The following SLC2A13 variants were observed in gnomAD, a reference collection of about 807,000 sequenced individuals.
SLC2A13 encodes the protein proton myo-inositol cotransporter.
Under a neutral mutation model 64.4 loss-of-function variants are expected in SLC2A13, and 32 were observed. That is an observed-to-expected ratio of 0.50 (90% confidence interval 0.37 to 0.67). The LOEUF is 0.67. Among genes scored for constraint, SLC2A13 ranks in the 30% least tolerant of loss-of-function variants. The pLI is 0.00. For missense variants in SLC2A13, 743 were observed against 829.2 expected, an observed-to-expected ratio of 0.90 and a Z score of 1.28; for synonymous variants, 338 against 327.1, an observed-to-expected ratio of 1.03 and a Z score of -0.36.
chr12:39,924,673 AT>A (rs926245452), intron 4 of SLC2A13, among the ~76,000 whole-genome samples: 22 of 151,924 alleles, frequency 1.4e-4, no homozygotes, highest in African/African-American at 3.1e-4. Context: ...ATTATTCTTC[AT>A]TTTTTTTCTT....
At chr12:40,075,023 C>G (rs1938115055) in intron 1 of SLC2A13, among the ~76,000 whole-genome samples, 2 of 152,172 alleles carry the variant, frequency 1.3e-5, no homozygotes. Flanking sequence ...GCCACTTACA[C>G]TGTGTTTTAA....
intron 7 of SLC2A13, among the ~76,000 whole-genome samples, chr12:39,820,961 G>A (rs1187812692): frequency 6.6e-6 from 1 of 151,586 alleles, no homozygotes; most frequent in African/African-American, 2.4e-5. Flanking sequence ...AACCTTAACA[G>A]CTCTCTACTT....
At chr12:39,871,658 G>A in intron 5 of SLC2A13, 140 bp downstream of exon 5, 1 of 773,568 alleles carries the variant, frequency 1.3e-6, no homozygotes, top group South Asian at 3.7e-5. Context: ...TTCTTTTTTG[G>A]TCTAGAAGAA....
intron 4 of SLC2A13, among the ~76,000 whole-genome samples, chr12:39,892,578 T>C (rs897324419): frequency 2.6e-5 from 4 of 152,214 alleles, no homozygotes; most frequent in African/African-American, 9.6e-5. Flanking sequence ...TTTTGACCAA[T>C]AAATTGGGTG....
intron 4 of SLC2A13, 87 bp downstream of exon 4, chr12:39,951,169 TA>T: frequency 9.0e-7 from 1 of 1,111,508 alleles, no homozygotes; most frequent in Non-Finnish European, 1.3e-6. Flanking sequence ...TCACTGAGTC[TA>T]GTATTTACAT....
intron 1 of SLC2A13, among the ~76,000 whole-genome samples, chr12:40,103,986 A>G (rs181268610): frequency 6.6e-6 from 1 of 152,356 alleles, no homozygotes; most frequent in African/African-American, 2.4e-5. Flanking sequence ...TTGAATATAA[A>G]GTGCAGTGAG....
At chr12:40,052,934 T>C (rs1413605575) in intron 1 of SLC2A13, among the ~76,000 whole-genome samples, 6 of 152,158 alleles carry the variant, frequency 3.9e-5, no homozygotes, top group South Asian at 2.1e-4. Context: ...TACCTTTCAA[T>C]ACTATGTTAT....
Position 40,006,737 on chromosome 12 carries a change from G to A in SLC2A13, c.925+21564C>T, listed in dbSNP as rs1416932894. 2.0e-5 allele frequency among the ~76,000 whole-genome samples: 3 copies of A among 152,290 alleles called. 1 individual carries two copies. The South Asian group carries it at 6.2e-4, about 32-fold the overall frequency. On this transcript the variant is annotated intron_variant, in intron 3 of 9. Transcript: ENST00000280871. Reference sequence around the variant, plus strand: ...CACTTCCCTTATCCTCCTATCAATGGAAGCAATCCCACCTGTTCACTCAAG... The same window carrying A: ...CACTTCCCTTATCCTCCTATCAATGAAAGCAATCCCACCTGTTCACTCAAG...
At chr12:39,819,492 T>G (rs936238429) in intron 7 of SLC2A13, among the ~76,000 whole-genome samples, 1 of 152,170 alleles carries the variant, frequency 6.6e-6, no homozygotes, top group Non-Finnish European at 1.5e-5. Flanking sequence ...TATTTGATGT[T>G]CCTAAAAGCC....
rs146188093 is a variant in SLC2A13 at position 39,896,275 on chromosome 12, T to C, written c.1035-24314A>G. ...ATGTATGTATATGTGTGTATATATG[T>C]ATACATGTATGTATATGTGTGTATA... is the stretch of plus-strand genomic sequence containing the variant. On this transcript the variant is annotated intron_variant, in intron 4 of 9. Transcript: ENST00000280871. 1.1e-3 allele frequency among the ~76,000 whole-genome samples: 134 copies of C among 118,540 alleles called. 8 individuals are homozygous for C. In the East Asian group the frequency reaches 0.032, roughly 28 times the overall value. The allele number at this position is 118,540 out of a possible 152,430, so 77.8% of individuals were successfully genotyped here.
intron 4 of SLC2A13, among the ~76,000 whole-genome samples, chr12:39,880,809 C>T (rs115701456): frequency 6.6e-6 from 1 of 152,188 alleles, no homozygotes; most frequent in African/African-American, 2.4e-5. Flanking sequence ...TGTCTCACCT[C>T]GCTCAGCCAC....
At chr12:39,763,077 T>G (rs1035946471) in intron 9 of SLC2A13, among the ~76,000 whole-genome samples, 1 of 152,042 alleles carries the variant, frequency 6.6e-6, no homozygotes, top group South Asian at 2.1e-4. Flanking sequence ...ATTTAAGTGT[T>G]CTCTAGAATC....
At chr12:39,866,571 C>G (rs1039572889) in intron 5 of SLC2A13, among the ~76,000 whole-genome samples, 2 of 152,122 alleles carry the variant, frequency 1.3e-5, no homozygotes, top group African/African-American at 4.8e-5. Context: ...CTCCGCCCCC[C>G]GGGGTTCACG....
chr12:39,805,120 C>T (rs1371370161), intron 7 of SLC2A13, among the ~76,000 whole-genome samples: 1 of 138,546 alleles, frequency 7.2e-6, no homozygotes, highest in Non-Finnish European at 1.6e-5. Flanking sequence ...TGGAGGGAGC[C>T]AGGAAGACAG....
At chr12:40,097,140 G>A (rs956826729) in intron 1 of SLC2A13, among the ~76,000 whole-genome samples, 1 of 152,106 alleles carries the variant, frequency 6.6e-6, no homozygotes, top group African/African-American at 2.4e-5. Flanking sequence ...TAAAGAATGA[G>A]CTTTGTTTTA....
At chr12:39,976,372 A>G (rs1370828456) in intron 3 of SLC2A13, among the ~76,000 whole-genome samples, 1 of 152,234 alleles carries the variant, frequency 6.6e-6, no homozygotes, top group Admixed American at 6.5e-5. Flanking sequence ...CAAAGTAGAC[A>G]ATGATAAGTG....
At chr12:40,083,133 TTA>T (rs1296637926) in intron 1 of SLC2A13, among the ~76,000 whole-genome samples, 1 of 152,188 alleles carries the variant, frequency 6.6e-6, no homozygotes, top group Non-Finnish European at 1.5e-5. Context: ...GTGTAGTACC[TTA>T]TGTCACAGTT....
At chr12:39,821,459 T>G (rs1942508068) in intron 7 of SLC2A13, among the ~76,000 whole-genome samples, 1 of 151,984 alleles carries the variant, frequency 6.6e-6, no homozygotes, top group Non-Finnish European at 1.5e-5. Context: ...ATCCAGGGTA[T>G]CTTGCTATAT....
intron 7 of SLC2A13, among the ~76,000 whole-genome samples, chr12:39,824,930 G>T (rs1334319699): frequency 6.6e-6 from 1 of 152,116 alleles, no homozygotes; most frequent in Non-Finnish European, 1.5e-5. Context: ...CATAGAGACA[G>T]GAAATTATAA....
Sources: allele counts gnomAD v4.1 joint callset (sites outside exome capture counted in the v4.1 genomes callset), GRCh38; gene constraint gnomAD v4.1.1; transcripts MANE v1.5; gene names NCBI Gene and HGNC (gene_info 2026-07-23, HGNC 2026-07-21).